CWC27: variants seen among roughly 807,000 people sequenced by gnomAD.
CWC27 encodes spliceosome-associated protein CWC27 homolog.
CWC27 carries 47 observed loss-of-function variants against 63.6 expected under a neutral mutation model. That is an observed-to-expected ratio of 0.74 (90% CI 0.58 to 0.94). The LOEUF (loss-of-function observed/expected upper bound fraction) is 0.94. Ranked by LOEUF, CWC27 falls within the 40% of genes least tolerant of loss-of-function variation. The probability of loss-of-function intolerance (pLI) is 0.00; values close to 1 mark genes in which losing one functional copy is unlikely to be tolerated. For synonymous variants in CWC27, 175 were observed against 179.8 expected (o/e 0.97, Z 0.22); for missense variants, 495 against 554.3 (o/e 0.89, Z 1.07).
chr5:64,987,990 G>A (rs1359928918), intron 13 of CWC27, among the ~76,000 whole-genome samples: 1 of 152,076 alleles, frequency 6.6e-6, no homozygotes, highest in Non-Finnish European at 1.5e-5. Context: ...GAGGTTTTTA[G>A]ACATTATTTC....
intron 13 of CWC27, among the ~76,000 whole-genome samples, chr5:65,004,496 T>A (rs1006326463): frequency 6.6e-6 from 1 of 151,244 alleles, no homozygotes; most frequent in East Asian, 1.9e-4. Context: ...AGCTCTCAGT[T>A]TTTTTGTTTC....
intron 7 of CWC27, among the ~76,000 whole-genome samples, chr5:64,797,636 C>A (rs2112199250): frequency 6.6e-6 from 1 of 152,128 alleles, no homozygotes; most frequent in Middle Eastern, 3.4e-3. Flanking sequence ...AAACAAGAAC[C>A]TTTTTAAAAA....
chr5:64,937,712 T>G (rs183850594), intron 11 of CWC27, among the ~76,000 whole-genome samples: 17 of 152,288 alleles, frequency 1.1e-4, no homozygotes, highest in African/African-American at 3.8e-4. Context: ...CTTCCACTAT[T>G]ATTATGTGGG....
intron 12 of CWC27, among the ~76,000 whole-genome samples, chr5:64,973,599 A>G (rs2112444025): frequency 6.6e-6 from 1 of 152,298 alleles, no homozygotes; most frequent in South Asian, 2.1e-4. Flanking sequence ...ACTATAACAA[A>G]TGTGTCCCAT....
At chr5:64,789,282 T>G (rs1743993440) in intron 7 of CWC27, among the ~76,000 whole-genome samples, 1 of 152,130 alleles carries the variant, frequency 6.6e-6, no homozygotes, top group African/African-American at 2.4e-5. Context: ...GACTTTATGA[T>G]TCAGATCCTA....
intron 10 of CWC27, among the ~76,000 whole-genome samples, chr5:64,871,146 C>A (rs1437309613): frequency 6.6e-6 from 1 of 152,020 alleles, no homozygotes; most frequent in Non-Finnish European, 1.5e-5. Flanking sequence ...GCACTACCAA[C>A]AATTTAGTTT....
intron 11 of CWC27, among the ~76,000 whole-genome samples, chr5:64,909,377 T>A (rs1408122769): frequency 5.9e-5 from 9 of 152,270 alleles, no homozygotes; most frequent in African/African-American, 2.2e-4. Flanking sequence ...ATTTTTTCCT[T>A]CATTTCAACC....
At chr5:64,801,522 C>CGTGT (rs146096540) in intron 9 of CWC27, among the ~76,000 whole-genome samples, 190 bp downstream of exon 9, 1 of 150,716 alleles carries the variant, frequency 6.6e-6, no homozygotes, top group Non-Finnish European at 1.5e-5. Flanking sequence ...TAGGGGTGTG[C>CGTGT]GTGTGTGTGT....
intron 11 of CWC27, among the ~76,000 whole-genome samples, chr5:64,924,850 T>TA (rs961189156): frequency 1.3e-5 from 2 of 152,172 alleles, no homozygotes; most frequent in Non-Finnish European, 2.9e-5. Flanking sequence ...AAATTTTATG[T>TA]AAAGCATTTA....
intron 1 of CWC27, among the ~76,000 whole-genome samples, chr5:64,773,508 T>C (rs900961425): frequency 2.7e-5 from 4 of 149,650 alleles, no homozygotes; most frequent in Non-Finnish European, 4.4e-5. Context: ...TTTAGGGTGG[T>C]GAAATGTGAC....
chr5:64,913,610 A>G (rs897567780), intron 11 of CWC27, among the ~76,000 whole-genome samples: 3 of 152,060 alleles, frequency 2.0e-5, no homozygotes, highest in African/African-American at 7.2e-5. Context: ...AATTCTATCT[A>G]CAGTACCATA....
chr5:65,016,815 G>C (rs1409405165), intron 13 of CWC27, among the ~76,000 whole-genome samples: 1 of 152,148 alleles, frequency 6.6e-6, no homozygotes, highest in Non-Finnish European at 1.5e-5. Context: ...AGAGAGAAAA[G>C]AGTGAGGGAT....
In CWC27 at chr5:64,974,662, G is replaced by A. The variant is rs188229595; in HGVS notation, c.1153-2473G>A. Among the ~76,000 whole-genome samples the A allele has an allele frequency of 1.8e-3, 281 of 152,226 alleles. 1 individual carries two copies. The highest frequency in any genetic ancestry group is 6.6e-3 in the African/African-American group (274 of 41,534). On this transcript the variant is annotated intron_variant, in intron 12 of 13. Transcript: ENST00000381070. Reference sequence around the variant, plus strand: ...ATTAAATAGATAGATATGGAGATAAGCATGTGGAGAGATATATTTATGCAA... The same window carrying A: ...ATTAAATAGATAGATATGGAGATAAACATGTGGAGAGATATATTTATGCAA...
At chr5:65,015,409 G>A (rs1750033579) in intron 13 of CWC27, among the ~76,000 whole-genome samples, 3 of 152,172 alleles carry the variant, frequency 2.0e-5, no homozygotes. Context: ...TATCAATCCA[G>A]GAGTATTGAT....
intron 10 of CWC27, among the ~76,000 whole-genome samples, chr5:64,833,874 A>G (rs1425182813): frequency 6.6e-6 from 1 of 151,576 alleles, no homozygotes; most frequent in Non-Finnish European, 1.5e-5. Context: ...ATTTGCCGGA[A>G]CTTCTGATTG....
chr5:64,973,602 T>C (rs1382754299), intron 12 of CWC27, among the ~76,000 whole-genome samples: 2 of 152,220 alleles, frequency 1.3e-5, no homozygotes, highest in African/African-American at 4.8e-5. Flanking sequence ...ATAACAAATG[T>C]GTCCCATTAT....
At chr5:64,827,630 A>G (rs1439042448) in intron 10 of CWC27, among the ~76,000 whole-genome samples, 2 of 152,140 alleles carry the variant, frequency 1.3e-5, no homozygotes, top group African/African-American at 2.4e-5. Flanking sequence ...ATTTTACCAG[A>G]TTGTTGTAAT....
intron 11 of CWC27, among the ~76,000 whole-genome samples, chr5:64,925,603 C>T (rs1463033945): frequency 1.3e-5 from 2 of 152,048 alleles, no homozygotes; most frequent in Non-Finnish European, 2.9e-5. Flanking sequence ...TTTATCAAGC[C>T]AAAGATAGAG....
At chr5:64,797,409 G>A (rs1037903936) in intron 7 of CWC27, among the ~76,000 whole-genome samples, 16 of 151,996 alleles carry the variant, frequency 1.1e-4, no homozygotes, top group African/African-American at 2.9e-4. Flanking sequence ...TCTCCCTGCA[G>A]GATTCAGAGT....
Sources: gnomAD v4.1 joint callset for allele counts (sites outside exome capture counted in the v4.1 genomes callset) on GRCh38, gnomAD v4.1.1 for gene constraint, MANE v1.5 for transcripts, NCBI Gene and HGNC (gene_info 2026-07-23, HGNC 2026-07-21) for gene names.